Variants in NFIA observed in about 807,000 individuals in gnomAD.
The protein encoded by NFIA is nuclear factor I A, also known as nuclear factor 1 A-type.
In NFIA, 8 loss-of-function variants were observed where a neutral mutation model predicts 62.8. The observed-to-expected ratio is 0.13, with a 90% confidence interval of 0.07 to 0.23. The LOEUF is 0.23. Among genes scored for constraint, NFIA ranks in the 10% least tolerant of loss-of-function variants. NFIA has a pLI of 1.00. For missense variants in NFIA, 410 were observed against 642.1 expected, an observed-to-expected ratio of 0.64 and a Z score of 3.91; for synonymous variants, 235 against 238.1, an observed-to-expected ratio of 0.99 and a Z score of 0.12.
intron 2 of NFIA, among the ~76,000 whole-genome samples, chr1:61,202,915 G>A (rs187483002): frequency 1.1e-4 from 17 of 152,286 alleles, no homozygotes; most frequent in East Asian, 1.9e-4. Context: ...TGTAAATCAC[G>A]TCATTCTGAA....
intron 2 of NFIA, among the ~76,000 whole-genome samples, chr1:61,235,210 C>T (rs1654917702): frequency 6.6e-6 from 1 of 152,116 alleles, no homozygotes; most frequent in South Asian, 2.1e-4. Flanking sequence ...TGCCTATGAT[C>T]CCAGCACTTT....
At chr1:61,091,391 C>G (rs1269001372) in intron 2 of NFIA, among the ~76,000 whole-genome samples, 1 of 151,756 alleles carries the variant, frequency 6.6e-6, no homozygotes. Flanking sequence ...TATTGACATG[C>G]TAAAATATAA....
intron 9 of NFIA, among the ~76,000 whole-genome samples, chr1:61,410,697 A>G (rs535214099): frequency 6.6e-6 from 1 of 152,144 alleles, no homozygotes; most frequent in Non-Finnish European, 1.5e-5. Context: ...GCTTGAGCTC[A>G]GGAGTTCGAG....
intron 5 of NFIA, among the ~76,000 whole-genome samples, chr1:61,354,450 T>C (rs1362247240): frequency 1.3e-5 from 2 of 152,220 alleles, no homozygotes; most frequent in Admixed American, 1.3e-4. Context: ...ATTTTCTCTG[T>C]GGCAGGCACC....
intron 2 of NFIA, among the ~76,000 whole-genome samples, chr1:61,138,191 G>C (rs1647248762): frequency 6.6e-6 from 1 of 152,000 alleles, no homozygotes; most frequent in Admixed American, 6.6e-5. Flanking sequence ...GACCTCCCAG[G>C]CTCAATTGAT....
chr1:61,339,695 C>T (rs1432413705), intron 4 of NFIA, among the ~76,000 whole-genome samples: 1 of 152,106 alleles, frequency 6.6e-6, no homozygotes, highest in Non-Finnish European at 1.5e-5. Context: ...GGTAGTAAAG[C>T]TGGCAGCAAG....
intron 2 of NFIA, among the ~76,000 whole-genome samples, chr1:61,239,849 A>T (rs146154995): frequency 5.9e-5 from 9 of 152,154 alleles, no homozygotes; most frequent in African/African-American, 2.2e-4. Flanking sequence ...GTATAATCTC[A>T]TAAAGAAACA....
Position 61,182,407 on chromosome 1 carries a change from A to G in NFIA, c.559+93727A>G, listed in dbSNP as rs79810773. Among the ~76,000 whole-genome samples the G allele has an allele frequency of 6.8e-4, 104 of 152,362 alleles. No homozygotes were observed. The East Asian group carries it at 0.017, about 25-fold the overall frequency. On this transcript the variant is annotated intron_variant, in intron 2 of 10. Coordinates refer to ENST00000403491, the MANE Select transcript of NFIA (RefSeq NM_001134673.4). ...TTAAGAGTTAGATTAGACAAAACCA[A>G]TGAAGTTGTTAAAAGTTTCAGAAAC...
At chr1:61,317,261 T>A (rs1339229389) in intron 3 of NFIA, among the ~76,000 whole-genome samples, 1 of 152,086 alleles carries the variant, frequency 6.6e-6, no homozygotes, top group African/African-American at 2.4e-5. Context: ...TAAAACTTGA[T>A]CTCCTGCAAG....
At chr1:61,446,636 T>G (rs1156288113) in intron 10 of NFIA, among the ~76,000 whole-genome samples, 2 of 152,200 alleles carry the variant, frequency 1.3e-5, no homozygotes, top group African/African-American at 4.8e-5. Context: ...GAAGGGCTTC[T>G]TGGCTGGAAA....
intron 2 of NFIA, among the ~76,000 whole-genome samples, chr1:61,096,725 G>A (rs1022408469): frequency 6.6e-6 from 1 of 151,330 alleles, no homozygotes; most frequent in Non-Finnish European, 1.5e-5. Flanking sequence ...GCTAATTTTT[G>A]TATTTTGAGT....
intron 2 of NFIA, among the ~76,000 whole-genome samples, chr1:61,115,113 G>A (rs1194383692): frequency 6.6e-6 from 1 of 152,136 alleles, no homozygotes; most frequent in African/African-American, 2.4e-5. Context: ...CTGAGTAGCT[G>A]GGATTACAGG....
chr1:61,234,426 T>C (rs1654865371), intron 2 of NFIA, among the ~76,000 whole-genome samples: 1 of 151,432 alleles, frequency 6.6e-6, no homozygotes, highest in African/African-American at 2.4e-5. Flanking sequence ...TTTGTGGTTT[T>C]GAATGCTTGA....
intron 2 of NFIA, among the ~76,000 whole-genome samples, chr1:61,216,545 AAAC>A (rs1653636163): frequency 6.6e-6 from 1 of 152,226 alleles, no homozygotes; most frequent in Non-Finnish European, 1.5e-5. Context: ...TAGTTTTTAA[AAAC>A]CTGCTCAATT....
intron 8 of NFIA, among the ~76,000 whole-genome samples, chr1:61,406,092 A>T (rs900567568): frequency 6.6e-6 from 1 of 152,216 alleles, no homozygotes; most frequent in Non-Finnish European, 1.5e-5. Flanking sequence ...CATATTTAGG[A>T]AAATTTATTC....
At chr1:61,443,637 TTGAGCATTGCCC>T (rs1168873137) in intron 10 of NFIA, among the ~76,000 whole-genome samples, 1 of 152,238 alleles carries the variant, frequency 6.6e-6, no homozygotes, top group Non-Finnish European at 1.5e-5. Flanking sequence ...AAAGTAACTC[TTGAGCATTGCCC>T]TGAGGTTACA....
At chr1:61,131,353 G>T (rs1647076436) in intron 2 of NFIA, among the ~76,000 whole-genome samples, 1 of 152,056 alleles carries the variant, frequency 6.6e-6, no homozygotes, top group Admixed American at 6.6e-5. Flanking sequence ...TGTTTGTAGT[G>T]AATAAATGTG....
chr1:61,370,449 C>G (rs17122010), intron 6 of NFIA, among the ~76,000 whole-genome samples: 2 of 152,086 alleles, frequency 1.3e-5, no homozygotes, highest in Non-Finnish European at 2.9e-5. Flanking sequence ...AGAAAACTTC[C>G]GGAATAAAAC....
chr1:61,303,172 T>A (rs551665943), intron 3 of NFIA, among the ~76,000 whole-genome samples: 1 of 152,320 alleles, frequency 6.6e-6, no homozygotes, highest in Admixed American at 6.5e-5. Context: ...AGCGATTAAG[T>A]ACCTTGCACA....
Sources: allele counts gnomAD v4.1 joint callset (sites outside exome capture counted in the v4.1 genomes callset), GRCh38; gene constraint gnomAD v4.1.1; transcripts MANE v1.5; gene names NCBI Gene and HGNC (gene_info 2026-07-23, HGNC 2026-07-21).